The following SLC30A4 variants were observed in gnomAD, a reference collection of about 807,000 sequenced individuals.
SLC30A4 encodes the protein solute carrier family 30 member 4, also known as probable proton-coupled zinc antiporter SLC30A4.
In SLC30A4, 20 loss-of-function variants were observed where a neutral mutation model predicts 41.7. The observed-to-expected ratio is 0.48, with a 90% confidence interval of 0.34 to 0.70. The LOEUF is 0.70. Ranked by LOEUF, SLC30A4 falls within the 30% of genes least tolerant of loss-of-function variation. The pLI, the probability that SLC30A4 is intolerant of heterozygous loss-of-function variation, is 0.01. For synonymous variants in SLC30A4, 181 were observed against 195.9 expected, an observed-to-expected ratio of 0.92 and a Z score of 0.64; for missense variants, 441 against 529.3, an observed-to-expected ratio of 0.83 and a Z score of 1.64.
chr15:45,489,469 T>G (rs73414477), intron 4 of SLC30A4, among the ~76,000 whole-genome samples: 7,100 of 151,368 alleles, frequency 0.047, 570 homozygotes, highest in African/African-American at 0.16. Flanking sequence ...GGCCCCAACA[T>G]GAAAATGTGC....
chr15:45,493,488 T>C (rs1247049605), intron 3 of SLC30A4, among the ~76,000 whole-genome samples: 1 of 152,096 alleles, frequency 6.6e-6, no homozygotes, highest in African/African-American at 2.4e-5. Flanking sequence ...AAAAATTATC[T>C]AGCAATTATA....
At chr15:45,516,711 A>G (rs61193305) in intron 2 of SLC30A4, among the ~76,000 whole-genome samples, 14,993 of 152,180 alleles carry the variant, frequency 0.099, 822 homozygotes, top group Middle Eastern at 0.22. Context: ...TCTACTAAAA[A>G]TACTAAAAAG....
intron 3 of SLC30A4, among the ~76,000 whole-genome samples, chr15:45,508,210 G>A (rs560843345): frequency 6.6e-6 from 1 of 152,254 alleles, no homozygotes; most frequent in South Asian, 2.1e-4. Context: ...AGGATATGAG[G>A]TGGTAGAAAT....
At chr15:45,520,570 C>T (rs562214995) in intron 2 of SLC30A4, among the ~76,000 whole-genome samples, 9 of 152,266 alleles carry the variant, frequency 5.9e-5, no homozygotes, top group East Asian at 1.9e-4. Context: ...CCACTGCACC[C>T]GGCCGGGGTG....
intron 3 of SLC30A4, among the ~76,000 whole-genome samples, chr15:45,495,298 T>C (rs145172864): frequency 1.3e-5 from 2 of 152,358 alleles, no homozygotes; most frequent in Non-Finnish European, 2.9e-5. Flanking sequence ...AGGTTGTCTA[T>C]ACTTTCCAAT....
At chr15:45,503,801 C>T (rs1343619371) in intron 3 of SLC30A4, among the ~76,000 whole-genome samples, 1 of 152,062 alleles carries the variant, frequency 6.6e-6, no homozygotes, top group Non-Finnish European at 1.5e-5. Flanking sequence ...ACAAAATTAA[C>T]TGGGTGTGGT....
chr15:45,504,076 T>C (rs1164402680), intron 3 of SLC30A4, among the ~76,000 whole-genome samples: 1 of 152,182 alleles, frequency 6.6e-6, no homozygotes, highest in Non-Finnish European at 1.5e-5. Flanking sequence ...AGAGGGGAAG[T>C]AATAGCCTCC....
In SLC30A4 at chr15:45,488,977, G is replaced by T. The variant is rs1463769882; in HGVS notation, c.758C>A (p.Ser253Tyr). 1.2e-6 allele frequency: 2 copies of T among 1,613,944 alleles called. No homozygotes were observed. Among genetic ancestry groups the T allele is most frequent in the African/African-American group, 1.3e-5 (1 of 74,920 alleles). Residue 253 changes from serine (S) to tyrosine (Y), a missense_variant, in exon 5 of 8, where the codon TCC becomes TAC. Ser to Tyr is a moderately radical substitution (Grantham distance 144). This residue lies in a region of SLC30A4 where 312 missense variants were observed against 341.9 expected (regional missense o/e 0.91). Coordinates refer to ENST00000261867, the MANE Select transcript of SLC30A4 (RefSeq NM_013309.6). ...TTCACACCCAGAACCTCTGGTAGGGGAATTTGAAGGCAGGGAGTGGGAATG... is the reference window on the plus strand; with the variant it reads ...TTCACACCCAGAACCTCTGGTAGGGTAATTTGAAGGCAGGGAGTGGGAATG... ...HSHSHSLPSN[S>Y]PTRGSGCERN...
chr15:45,521,858 C>A (rs1219260485), intron 2 of SLC30A4, 106 bp downstream of exon 2: 1 of 1,200,178 alleles, frequency 8.3e-7, no homozygotes, highest in Non-Finnish European at 1.2e-6. Context: ...TTGATAAATA[C>A]AAACTTCCTG....
chr15:45,490,110 A>G (rs1891782035), intron 4 of SLC30A4, among the ~76,000 whole-genome samples: 1 of 152,222 alleles, frequency 6.6e-6, no homozygotes, highest in Middle Eastern at 3.4e-3. Context: ...GTTTGTTTTT[A>G]AGACAGGGTT....
At chr15:45,506,709 CA>C (rs923438570) in intron 3 of SLC30A4, among the ~76,000 whole-genome samples, 2 of 151,594 alleles carry the variant, frequency 1.3e-5, no homozygotes, top group African/African-American at 4.8e-5. Flanking sequence ...TACAAAACAA[CA>C]AAAAAAAGAA....
chr15:45,516,699 T>C (rs1361979532), intron 2 of SLC30A4, among the ~76,000 whole-genome samples: 1 of 152,098 alleles, frequency 6.6e-6, no homozygotes, highest in Non-Finnish European at 1.5e-5. Flanking sequence ...TGAAACTCCG[T>C]CTCTACTAAA....
chr15:45,522,362 G>A lies in SLC30A4; in HGVS notation c.-8C>T. On this transcript the variant is annotated 5_prime_UTR_variant, in exon 2 of 8. Transcript: ENST00000261867. ...CGCGCCAGAGCCGGCCATGGCAGAG[G>A]CTGAGCGGCCGCGGTGCGGAACGGC... is the stretch of plus-strand genomic sequence containing the variant. 1 of 1,593,882 alleles carries A rather than the reference G, an allele frequency of 6.3e-7. No individual in the cohort carries two copies. The highest frequency in any genetic ancestry group is 2.2e-4 in the Middle Eastern group (1 of 4,624).
At chr15:45,488,720 A>T (rs1037043889) in intron 5 of SLC30A4, 121 bp downstream of exon 5, 2 of 719,256 alleles carry the variant, frequency 2.8e-6, no homozygotes, top group Admixed American at 2.6e-5. Flanking sequence ...AAGTAAACTT[A>T]CATCAATGTA....
chr15:45,521,401 G>A (rs1453400936), intron 2 of SLC30A4, among the ~76,000 whole-genome samples: 1 of 152,016 alleles, frequency 6.6e-6, no homozygotes, highest in Non-Finnish European at 1.5e-5. Context: ...AATACAAAAG[G>A]AAATCGTATA....
At chr15:45,508,973 T>C (rs546026030) in intron 3 of SLC30A4, among the ~76,000 whole-genome samples, 1 of 152,298 alleles carries the variant, frequency 6.6e-6, no homozygotes, top group Non-Finnish European at 1.5e-5. Context: ...TGAGGGAGTG[T>C]TTCACTGCTT....
intron 3 of SLC30A4, among the ~76,000 whole-genome samples, chr15:45,491,594 G>GT (rs1348675401): frequency 1.3e-5 from 2 of 152,124 alleles, no homozygotes; most frequent in Non-Finnish European, 1.5e-5. Context: ...TGTCAAATGG[G>GT]TAATGTGCCA....
chr15:45,505,034 T>A (rs1892120751), intron 3 of SLC30A4, among the ~76,000 whole-genome samples: 1 of 151,940 alleles, frequency 6.6e-6, no homozygotes, highest in Non-Finnish European at 1.5e-5. Context: ...AGTTCGAGAC[T>A]AGCCTGGCCA....
chr15:45,506,320 C>G (rs1011613283), intron 3 of SLC30A4, among the ~76,000 whole-genome samples: 1 of 152,150 alleles, frequency 6.6e-6, no homozygotes, highest in Non-Finnish European at 1.5e-5. Context: ...CCCACCCCAC[C>G]ATGTCATCAA....
Sources: gnomAD v4.1 joint callset for allele counts (sites outside exome capture counted in the v4.1 genomes callset) on GRCh38, gnomAD v4.1.1 for gene constraint, gnomAD v4.1.1 regional missense constraint, MANE v1.5 for transcripts, NCBI Gene and HGNC (gene_info 2026-07-23, HGNC 2026-07-21) for gene names.